CD99L2: variants seen among roughly 807,000 people sequenced by gnomAD.
CD99L2 encodes CD99 molecule like 2.
CD99L2 carries 24 observed loss-of-function variants against 27.3 expected under a neutral mutation model. The ratio of observed to expected loss-of-function variants is 0.88; its 90% CI spans 0.64 to 1.24. The LOEUF (loss-of-function observed/expected upper bound fraction) is 1.24. Ranked by LOEUF, CD99L2 falls within the 50% of genes most tolerant of loss-of-function variation. The pLI is 0.00. For synonymous variants in CD99L2, 97 were observed against 87.9 expected (o/e 1.10, Z -0.58); for missense variants, 255 against 221.6 (o/e 1.15, Z -0.96).
chrX:150,873,496 C>T (rs1457138898), intron 1 of CD99L2, among the ~76,000 whole-genome samples: 1 of 112,140 alleles, frequency 8.9e-6, no homozygotes, highest in Non-Finnish European at 1.9e-5. Flanking sequence ...GAGAGACGCA[C>T]AGCCTTGTGA....
intron 10 of CD99L2, among the ~76,000 whole-genome samples, chrX:150,769,329 C>G (rs1449479854): frequency 8.9e-6 from 1 of 111,987 alleles, no homozygotes; most frequent in Non-Finnish European, 1.9e-5. Context: ...CATCTCCTCA[C>G]CTAAAAAATG....
At chrX:150,898,152 T>C (rs781791579) in intron 1 of CD99L2, among the ~76,000 whole-genome samples, 468 of 102,471 alleles carry the variant, frequency 4.6e-3, no homozygotes, top group African/African-American at 0.016. Flanking sequence ...CTGCTGTCGG[T>C]GGCCTCGCAG....
intron 1 of CD99L2, among the ~76,000 whole-genome samples, chrX:150,878,244 A>G (rs1179690321): frequency 2.7e-5 from 3 of 109,927 alleles, no homozygotes; most frequent in Non-Finnish European, 5.7e-5. Flanking sequence ...AGGCTGAGAC[A>G]GGATAATCAC....
chrX:150,780,134 A>C (rs1303014702), intron 7 of CD99L2, among the ~76,000 whole-genome samples: 1 of 112,376 alleles, frequency 8.9e-6, no homozygotes, highest in African/African-American at 3.2e-5. Flanking sequence ...AAAGAGACAT[A>C]CAAATGGCCA....
At chrX:150,801,081 A>T (rs2045898487) in intron 4 of CD99L2, among the ~76,000 whole-genome samples, 1 of 110,782 alleles carries the variant, frequency 9.0e-6, no homozygotes, top group Non-Finnish European at 1.9e-5. Context: ...AACCTCCAGG[A>T]CTTGGTGATT....
intron 7 of CD99L2, among the ~76,000 whole-genome samples, 168 bp downstream of exon 7, chrX:150,793,522 TC>T (rs1267051520): frequency 1.8e-5 from 2 of 111,381 alleles, no homozygotes; most frequent in African/African-American, 6.5e-5. Context: ...GGCTTATAAA[TC>T]CCCCCCTTGA....
chrX:150,843,120 G>A (rs1557421388), intron 1 of CD99L2, among the ~76,000 whole-genome samples: 1 of 112,242 alleles, frequency 8.9e-6, no homozygotes. Flanking sequence ...AGAGGCAGCT[G>A]GGACCCCTGG....
intron 1 of CD99L2, among the ~76,000 whole-genome samples, chrX:150,892,595 G>C (rs1383524172): frequency 1.5e-5 from 1 of 68,072 alleles, no homozygotes; most frequent in Non-Finnish European, 2.5e-5. Context: ...GACAGAGCGA[G>C]ACTCTGTCTC....
At chrX:150,795,084 G>A in intron 6 of CD99L2, 122 bp downstream of exon 6, 1 of 773,243 alleles carries the variant, frequency 1.3e-6, no homozygotes, top group Non-Finnish European at 1.9e-6. Context: ...AAAAGTTTGA[G>A]TACCACCATT....
intron 2 of CD99L2, among the ~76,000 whole-genome samples, chrX:150,830,015 C>T (rs1156275807): frequency 1.8e-5 from 2 of 109,377 alleles, no homozygotes; most frequent in Non-Finnish European, 3.8e-5. Context: ...ACTAGCTGGG[C>T]GTGGCGGTAC....
At chrX:150,807,411 C>T (rs1210315749) in intron 4 of CD99L2, among the ~76,000 whole-genome samples, 1 of 111,546 alleles carries the variant, frequency 9.0e-6, no homozygotes, top group African/African-American at 3.3e-5. Context: ...TATGCAGACA[C>T]TTCTCATGGC....
intron 1 of CD99L2, among the ~76,000 whole-genome samples, chrX:150,873,182 T>C (rs1434698805): frequency 8.9e-6 from 1 of 112,105 alleles, no homozygotes; most frequent in African/African-American, 3.2e-5. Context: ...AGAGCAGAGT[T>C]CTAGTGGGAG....
rs190716813 is a variant in CD99L2 at position 150,793,803 on chromosome X, G to A, written c.431-47C>T. ...TTTCAACAACAAGAAAAAAAAATCA[G>A]CAACAAGAAACTTGTGCTAATGTTG... is the stretch of plus-strand genomic sequence containing the variant. On this transcript the variant is annotated intron_variant, in intron 6 of 10. Coordinates refer to ENST00000370377, the MANE Select transcript of CD99L2 (RefSeq NM_031462.4). 128 of 1,050,833 alleles carry A rather than the reference G, an allele frequency of 1.2e-4. 1 individual carries two copies. In the African/African-American group the frequency reaches 2.0e-3, roughly 16 times the overall value. The allele number at this position is 1,050,833 out of a possible 1,213,427, so 86.6% of individuals were successfully genotyped here.
rs1162924122 is a variant in CD99L2 at position 150,800,108 on chromosome X, GT to G, written c.278-4623del. Among the ~76,000 whole-genome samples the G allele has an allele frequency of 4.4e-5, 5 of 112,674 alleles. No homozygotes were observed. The East Asian group carries it at 1.4e-3, about 31-fold the overall frequency. On this transcript the variant is annotated intron_variant, in intron 4 of 10. Coordinates refer to ENST00000370377, the MANE Select transcript of CD99L2 (RefSeq NM_031462.4). ...ATAAACCTGGAAAACATTACATTAA[GT>G]GAAATAAACCAGACACAAAAGAACA... is the stretch of plus-strand genomic sequence containing the variant.
chrX:150,854,223 C>T lies in CD99L2; in HGVS notation c.68-22930G>A, dbSNP rs186565064. Among the ~76,000 whole-genome samples the T allele has an allele frequency of 9.0e-4, 100 of 111,496 alleles. No individual in the cohort carries two copies. The East Asian group carries it at 0.022, about 25-fold the overall frequency. On this transcript the variant is annotated intron_variant, in intron 1 of 10. Transcript: ENST00000370377. Reference sequence around the variant, plus strand: ...TTCGCTCTACTCGTAAAACAAGCGGCCCACCAAGTGCTTTTCCCAATAGCA... The same window carrying T: ...TTCGCTCTACTCGTAAAACAAGCGGTCCACCAAGTGCTTTTCCCAATAGCA...
intron 1 of CD99L2, among the ~76,000 whole-genome samples, chrX:150,890,056 G>A (rs2047481623): frequency 1.8e-5 from 2 of 110,694 alleles, no homozygotes; most frequent in Admixed American, 1.9e-4. Flanking sequence ...GGGAGGCTGA[G>A]GCAGGAGAAT....
At chrX:150,777,944 G>A (rs782816041) in intron 7 of CD99L2, among the ~76,000 whole-genome samples, 1 of 111,998 alleles carries the variant, frequency 8.9e-6, no homozygotes, top group Non-Finnish European at 1.9e-5. Flanking sequence ...AACAAATGTA[G>A]GCTCACAATC....
intron 7 of CD99L2, among the ~76,000 whole-genome samples, chrX:150,787,200 G>A (rs782238633): frequency 8.9e-6 from 1 of 112,026 alleles, no homozygotes; most frequent in Admixed American, 9.4e-5. Flanking sequence ...CTTTTGCTGT[G>A]CAGAAGCTCT....
Position 150,804,851 on chromosome X carries a change from C to T in CD99L2, c.278-9365G>A, listed in dbSNP as rs1002882410. 3.6e-5 allele frequency among the ~76,000 whole-genome samples: 4 copies of T among 110,551 alleles called. No homozygotes were observed. The South Asian group carries it at 1.6e-3, about 43-fold the overall frequency. On this transcript the variant is annotated intron_variant, in intron 4 of 10. Coordinates refer to ENST00000370377, the MANE Select transcript of CD99L2 (RefSeq NM_031462.4). ...GGGCAGCCTAGATGAAATGGACAAA[C>T]TCCTGGAAAGATATAAACTACTGAA...
Sources: allele counts gnomAD v4.1 joint callset (sites outside exome capture counted in the v4.1 genomes callset), GRCh38; gene constraint gnomAD v4.1.1; transcripts MANE v1.5; gene names NCBI Gene and HGNC (gene_info 2026-07-23, HGNC 2026-07-21).